Variants in CRB1 observed in about 807,000 individuals in gnomAD.
CRB1 encodes crumbs cell polarity complex component 1, also known as protein crumbs homolog 1.
CRB1 carries 83 observed loss-of-function variants against 120.0 expected under a neutral mutation model. That is an observed-to-expected ratio of 0.69 (90% CI 0.58 to 0.83). The LOEUF is 0.83. CRB1 is among the 40% of genes least tolerant of loss of function. CRB1 has a pLI of 0.00. For missense variants in CRB1, 1,699 were observed against 1,687.6 expected, an observed-to-expected ratio of 1.01 and a Z score of -0.12; for synonymous variants, 625 against 612.5, an observed-to-expected ratio of 1.02 and a Z score of -0.30.
chr1:197,282,725 G>A (rs377447806), intron 1 of CRB1, among the ~76,000 whole-genome samples: 6 of 151,886 alleles, frequency 4.0e-5, no homozygotes. Flanking sequence ...TCCATTTTAT[G>A]TTCTCAATGT....
At position 197,303,249 on chromosome 1, in the gene CRB1, AT is replaced by A. The variant is rs527256274; in HGVS notation, c.71-25171del. Among the ~76,000 whole-genome samples, 741 of 148,980 alleles carry A rather than the reference AT, an allele frequency of 5.0e-3. 13 individuals carry two copies. The highest frequency in any genetic ancestry group is 0.017 in the African/African-American group (703 of 40,582). ...TGCACCCATTAACTCGTCATTTAGCATTAGGTATATCTCCTAATGCTATCCC... is the reference window on the plus strand; with the variant it reads ...TGCACCCATTAACTCGTCATTTAGCATAGGTATATCTCCTAATGCTATCCC... On this transcript the variant is annotated intron_variant, in intron 1 of 11. Coordinates refer to ENST00000367400, the MANE Select transcript of CRB1 (RefSeq NM_201253.3).
intron 1 of CRB1, among the ~76,000 whole-genome samples, chr1:197,315,863 T>C (rs1221677378): frequency 6.6e-6 from 1 of 152,250 alleles, no homozygotes. Flanking sequence ...ATTATTTCTT[T>C]TCAAATAAAA....
At chr1:197,263,989 T>A (rs945540955), upstream of CRB1, among the ~76,000 whole-genome samples, 34 of 152,340 alleles carry the variant, frequency 2.2e-4, no homozygotes, top group African/African-American at 7.9e-4. Context: ...AATTTTTTAT[T>A]TGTATGTATT....
intron 11 of CRB1, among the ~76,000 whole-genome samples, chr1:197,453,948 T>C (rs1666148832): frequency 7.6e-6 from 1 of 132,358 alleles, no homozygotes; most frequent in South Asian, 2.2e-4. Context: ...TAATATATAT[T>C]ATTGATATTA....
chr1:197,234,685 T>C, the CRB1 span, among the ~76,000 whole-genome samples: 1 of 152,354 alleles, frequency 6.6e-6, no homozygotes, highest in Non-Finnish European at 1.5e-5. Context: ...TCAGTGATAG[T>C]ATAATGGTTC....
chr1:197,219,889 A>C, the CRB1 span, among the ~76,000 whole-genome samples: 4 of 152,112 alleles, frequency 2.6e-5, no homozygotes, highest in Admixed American at 1.3e-4. Flanking sequence ...TGTCAGTGGC[A>C]CTCACTGTCT....
intron 10 of CRB1, 140 bp downstream of exon 10, chr1:197,438,815 A>C: frequency 1.0e-6 from 1 of 978,072 alleles, no homozygotes; most frequent in East Asian, 2.6e-5. Context: ...AGACAGAATG[A>C]AACAATAAAA....
chr1:197,274,685 T>C (rs1023496654), intron 1 of CRB1, among the ~76,000 whole-genome samples: 1 of 152,220 alleles, frequency 6.6e-6, no homozygotes, highest in Non-Finnish European at 1.5e-5. Context: ...TCATACAATA[T>C]GTAGCCTTTC....
the CRB1 span, among the ~76,000 whole-genome samples, chr1:197,256,790 A>G: frequency 6.6e-6 from 1 of 151,914 alleles, no homozygotes; most frequent in African/African-American, 2.4e-5. Context: ...TGTACCCTAA[A>G]ACTTAAAGTA....
At chr1:197,417,338 T>A (rs1365841159) in intron 5 of CRB1, among the ~76,000 whole-genome samples, 1 of 152,144 alleles carries the variant, frequency 6.6e-6, no homozygotes, top group Non-Finnish European at 1.5e-5. Context: ...CTGTGCTGTG[T>A]TGGAAAGTAA....
intron 5 of CRB1, among the ~76,000 whole-genome samples, chr1:197,373,983 C>G (rs969471405): frequency 3.3e-5 from 5 of 152,172 alleles, no homozygotes; most frequent in Admixed American, 2.6e-4. Flanking sequence ...AGATCTGACA[C>G]AGCCAATTTT....
intron 11 of CRB1, among the ~76,000 whole-genome samples, chr1:197,462,888 C>CTTTTTTTTTTTTTTT (rs66833712): frequency 6.8e-6 from 1 of 147,594 alleles, no homozygotes. Flanking sequence ...CAATGCAGAT[C>CTTTTTTTTTTTTTTT]TTTTTTTTTT....
At chr1:197,366,473 T>G in intron 5 of CRB1, among the ~76,000 whole-genome samples, 1 of 152,342 alleles carries the variant, frequency 6.6e-6, no homozygotes, top group South Asian at 2.1e-4. Context: ...AATGTATTTA[T>G]TACTCTTCAC....
chr1:197,363,739 TCCTTGCCATCCCTGC>T (rs1001671180), intron 5 of CRB1: 2 of 542,280 alleles, frequency 3.7e-6, no homozygotes, highest in African/African-American at 3.8e-5. Context: ...CTGTGGTGCC[TCCTTGCCATCCCTGC>T]CCTTTCCATG....
chr1:197,391,947 G>C (rs914808891), intron 5 of CRB1, among the ~76,000 whole-genome samples: 1 of 152,018 alleles, frequency 6.6e-6, no homozygotes, highest in Non-Finnish European at 1.5e-5. Context: ...AGAATTTGTA[G>C]CTGAAACTTG....
At chr1:197,336,560 G>A (rs913925349) in intron 2 of CRB1, among the ~76,000 whole-genome samples, 5 of 152,194 alleles carry the variant, frequency 3.3e-5, no homozygotes, top group African/African-American at 7.2e-5. Flanking sequence ...CTCAGAACTA[G>A]AGTCATTTGA....
At chr1:197,430,809 A>G (rs1037214284) in intron 8 of CRB1, among the ~76,000 whole-genome samples, 1 of 152,258 alleles carries the variant, frequency 6.6e-6, no homozygotes, top group African/African-American at 2.4e-5. Context: ...TTGCTCATAA[A>G]TATTTGTAAA....
intron 4 of CRB1, among the ~76,000 whole-genome samples, chr1:197,351,975 C>T (rs1346323205): frequency 2.0e-5 from 3 of 152,202 alleles, no homozygotes; most frequent in Non-Finnish European, 4.4e-5. Context: ...CATGACTTCA[C>T]TGCCACAGAA....
At chr1:197,451,364 A>G (rs1558150314) in intron 11 of CRB1, among the ~76,000 whole-genome samples, 2 of 152,230 alleles carry the variant, frequency 1.3e-5, no homozygotes, top group South Asian at 4.1e-4. Flanking sequence ...AGTGTAGTAC[A>G]CAGGGCTAAA....
Sources: allele counts gnomAD v4.1 joint callset (sites outside exome capture counted in the v4.1 genomes callset), GRCh38; gene constraint gnomAD v4.1.1; transcripts MANE v1.5; gene names NCBI Gene and HGNC (gene_info 2026-07-23, HGNC 2026-07-21).